Variants in OSBPL6 observed in about 807,000 individuals in gnomAD.
OSBPL6 encodes the protein oxysterol-binding protein-related protein 6.
In OSBPL6, 49 loss-of-function variants were observed where a neutral mutation model predicts 125.8. That is an observed-to-expected ratio of 0.39 (90% confidence interval 0.31 to 0.49). The LOEUF (loss-of-function observed/expected upper bound fraction) is 0.49. Among genes scored for constraint, OSBPL6 ranks in the 20% least tolerant of loss-of-function variants. The pLI, the probability that OSBPL6 is intolerant of heterozygous loss-of-function variation, is 0.88. For missense variants in OSBPL6, 986 were observed against 1,135.4 expected, an observed-to-expected ratio of 0.87 and a Z score of 1.89; for synonymous variants, 394 against 391.8, an observed-to-expected ratio of 1.01 and a Z score of -0.07.
chr2:178,259,917 T>G (rs1361122773), intron 1 of OSBPL6, among the ~76,000 whole-genome samples: 1 of 152,184 alleles, frequency 6.6e-6, no homozygotes, highest in African/African-American at 2.4e-5. Context: ...GGTGATCTGT[T>G]TCCCTATGTG....
At position 178,328,251 on chromosome 2, in the gene OSBPL6, C is replaced by A; in HGVS notation, c.196-5C>A. On this transcript the variant is annotated splice_region_variant and splice_polypyrimidine_tract_variant and intron_variant, in intron 4 of 24. Coordinates refer to ENST00000190611, the MANE Select transcript of OSBPL6 (RefSeq NM_032523.4). ...ATGTGATTTGTTTTTCTTCTTTTCT[C>A]TCAGGAAGCTGACAGCTGGGAAATT... 6.2e-7 allele frequency: 1 copy of A among 1,613,010 alleles called. No individual in the cohort carries two copies. Among genetic ancestry groups the A allele is most frequent in the Non-Finnish European group, 8.5e-7 (1 of 1,179,528 alleles).
intron 16 of OSBPL6, chr2:178,382,823 C>T (rs1275601883): frequency 4.3e-6 from 6 of 1,393,034 alleles, no homozygotes; most frequent in Admixed American, 2.9e-5. Context: ...GTATCTAATG[C>T]CTTATTTATA....
intron 11 of OSBPL6, among the ~76,000 whole-genome samples, chr2:178,345,347 G>A (rs1336496166): frequency 6.6e-6 from 1 of 152,312 alleles, no homozygotes; most frequent in South Asian, 2.1e-4. Context: ...AATGGATGCT[G>A]GTATGAGGAT....
intron 11 of OSBPL6, chr2:178,344,434 T>C: frequency 1.4e-6 from 2 of 1,424,622 alleles, no homozygotes; most frequent in Non-Finnish European, 2.0e-6. Context: ...TCCCCTGTCC[T>C]GATGGTGCCA....
At chr2:178,207,008 A>G (rs2089571352) in intron 1 of OSBPL6, among the ~76,000 whole-genome samples, 1 of 152,038 alleles carries the variant, frequency 6.6e-6, no homozygotes, top group Non-Finnish European at 1.5e-5. Flanking sequence ...GACTCAAGGG[A>G]TCCTCCCACC....
chr2:178,309,971 A>G (rs984542370), intron 3 of OSBPL6, among the ~76,000 whole-genome samples: 1 of 152,248 alleles, frequency 6.6e-6, no homozygotes, highest in African/African-American at 2.4e-5. Context: ...ATCTTTTGCA[A>G]TGTGCATTAC....
At chr2:178,198,997 T>C (rs1287748450) in intron 1 of OSBPL6, among the ~76,000 whole-genome samples, 1 of 152,222 alleles carries the variant, frequency 6.6e-6, no homozygotes, top group Non-Finnish European at 1.5e-5. Flanking sequence ...ATATTGTTGG[T>C]GTTTAGTGAC....
intron 15 of OSBPL6, among the ~76,000 whole-genome samples, chr2:178,376,285 T>C (rs1004302009): frequency 1.3e-5 from 2 of 152,074 alleles, no homozygotes; most frequent in African/African-American, 2.4e-5. Context: ...AGCCTGCCCA[T>C]ACCTCTCATA....
chr2:178,226,227 T>A (rs2090555752), intron 1 of OSBPL6, among the ~76,000 whole-genome samples: 1 of 152,198 alleles, frequency 6.6e-6, no homozygotes, highest in African/African-American at 2.4e-5. Context: ...TTCTTGCTGG[T>A]GGCTCCTGTG....
chr2:178,265,191 CTTTTTTTTTTTTTTTTTTTTTTT>C (rs376718500), intron 1 of OSBPL6, among the ~76,000 whole-genome samples: 2,726 of 33,762 alleles, frequency 0.081, 135 homozygotes, highest in Middle Eastern at 0.36. Flanking sequence ...CCAGACGAGA[CTTTTTTTTTTTTTTTTTTTTTTT>C]TTTTTTTTTT....
intron 1 of OSBPL6, among the ~76,000 whole-genome samples, chr2:178,237,688 C>T (rs1351173332): frequency 6.6e-6 from 1 of 152,216 alleles, no homozygotes; most frequent in African/African-American, 2.4e-5. Context: ...GGATGTTCAG[C>T]AGCAACCCTG....
chr2:178,373,771 G>A, intron 14 of OSBPL6, 119 bp from the exon 15 acceptor site: 2 of 1,232,640 alleles, frequency 1.6e-6, no homozygotes, highest in South Asian at 3.1e-5. Flanking sequence ...AGTGAAAATT[G>A]CTTGTGGCTG....
intron 1 of OSBPL6, among the ~76,000 whole-genome samples, chr2:178,231,090 C>G (rs75672728): frequency 6.6e-6 from 1 of 152,018 alleles, no homozygotes; most frequent in Admixed American, 6.6e-5. Context: ...GAGAGGAGAG[C>G]AGCTCTCTCT....
At position 178,383,907 on chromosome 2, in the gene OSBPL6, C is replaced by T. The variant is rs976087867; in HGVS notation, c.1876-132C>T. The T allele has an allele frequency of 7.3e-6, 8 of 1,088,922 alleles. No individual in the cohort carries two copies. In the South Asian group the frequency reaches 1.2e-4, roughly 17 times the overall value. The allele number at this position is 1,088,922 out of a possible 1,614,324, so 67.5% of individuals were successfully genotyped here. A position where few individuals can be genotyped will look rare whatever the true frequency, so the allele number is the denominator to read the frequency against. ...TGAGTTGATAAAAATTCTGTACAGACAATAGAAAATGCAACTGTCATCAAA... is the reference window on the plus strand; with the variant it reads ...TGAGTTGATAAAAATTCTGTACAGATAATAGAAAATGCAACTGTCATCAAA... On this transcript the variant is annotated intron_variant, in intron 17 of 24. Transcript: ENST00000190611.
intron 1 of OSBPL6, among the ~76,000 whole-genome samples, chr2:178,264,938 G>A (rs974277794): frequency 6.6e-6 from 1 of 151,892 alleles, no homozygotes; most frequent in African/African-American, 2.4e-5. Context: ...AGGCTAGAGT[G>A]CAATGGTGTG....
At chr2:178,221,373 C>T (rs1261360433) in intron 1 of OSBPL6, among the ~76,000 whole-genome samples, 1 of 152,108 alleles carries the variant, frequency 6.6e-6, no homozygotes, top group African/African-American at 2.4e-5. Flanking sequence ...GGTAGTACTA[C>T]TTGAAAGAAT....
At chr2:178,241,720 G>A (rs1367832390) in intron 1 of OSBPL6, among the ~76,000 whole-genome samples, 1 of 152,092 alleles carries the variant, frequency 6.6e-6, no homozygotes, top group Non-Finnish European at 1.5e-5. Context: ...CTGGCCTGAG[G>A]CTTTTTAAAA....
chr2:178,287,937 CTGT>C (rs1684864456), intron 2 of OSBPL6, among the ~76,000 whole-genome samples: 2 of 148,692 alleles, frequency 1.3e-5, no homozygotes, highest in African/African-American at 4.9e-5. Context: ...GGCTTAGGAG[CTGT>C]TGTTGACATA....
chr2:178,260,713 CAA>C (rs777837870), intron 1 of OSBPL6, among the ~76,000 whole-genome samples: 6 of 152,144 alleles, frequency 3.9e-5, no homozygotes, highest in Non-Finnish European at 7.4e-5. Context: ...TTGGAAATAA[CAA>C]GAGATTTTTT....
Sources: allele counts gnomAD v4.1 joint callset (sites outside exome capture counted in the v4.1 genomes callset), GRCh38; gene constraint gnomAD v4.1.1; transcripts MANE v1.5; gene names NCBI Gene and HGNC (gene_info 2026-07-23, HGNC 2026-07-21).